SLC25A26: variants seen among roughly 807,000 people sequenced by gnomAD.
SLC25A26 encodes mitochondrial S-adenosylmethionine carrier protein.
In SLC25A26, 36 loss-of-function variants were observed where a neutral mutation model predicts 37.8. The ratio of observed to expected loss-of-function variants is 0.95; its 90% CI spans 0.73 to 1.26. The LOEUF is 1.26. Among genes scored for constraint, SLC25A26 ranks in the 50% most tolerant of loss-of-function variants. SLC25A26 has a pLI of 0.00. For missense variants in SLC25A26, 390 were observed against 331.1 expected, an observed-to-expected ratio of 1.18 and a Z score of -1.38; for synonymous variants, 129 against 122.5, an observed-to-expected ratio of 1.05 and a Z score of -0.35.
At chr3:66,165,754 A>G (rs1370735296) in intron 1 of SLC25A26, among the ~76,000 whole-genome samples, 1 of 152,230 alleles carries the variant, frequency 6.6e-6, no homozygotes, top group African/African-American at 2.4e-5. Flanking sequence ...GAAGTAGTAT[A>G]TAATTTGCCT....
chr3:66,151,561 G>A (rs1217967393), intron 1 of SLC25A26, among the ~76,000 whole-genome samples: 1 of 152,224 alleles, frequency 6.6e-6, no homozygotes, highest in Non-Finnish European at 1.5e-5. Context: ...TCATCATGAA[G>A]TTCCATGCCC....
chr3:66,310,456 G>T (rs2075345965), intron 5 of SLC25A26, among the ~76,000 whole-genome samples: 1 of 152,134 alleles, frequency 6.6e-6, no homozygotes, highest in African/African-American at 2.4e-5. Flanking sequence ...TATCCAATTT[G>T]CCAGTCTGTT....
chr3:66,199,412 A>G (rs947880122), intron 1 of SLC25A26, among the ~76,000 whole-genome samples: 2 of 151,900 alleles, frequency 1.3e-5, no homozygotes, highest in African/African-American at 2.4e-5. Flanking sequence ...CATGTTGACT[A>G]TGATCCTAAC....
intron 1 of SLC25A26, among the ~76,000 whole-genome samples, chr3:66,192,330 A>AG (rs1431044898): frequency 4.4e-4 from 66 of 151,224 alleles, no homozygotes; most frequent in African/African-American, 1.5e-3. Flanking sequence ...AAAAAAAAAA[A>AG]AAAAAGAGAG....
chr3:66,370,385 CTGA>C, intron 8 of SLC25A26, 141 bp from the exon 9 acceptor site: 1 of 740,488 alleles, frequency 1.4e-6, no homozygotes, highest in Non-Finnish European at 2.4e-6. Flanking sequence ...GAGCCAGGTC[CTGA>C]TTGCCAAGAA....
chr3:66,360,230 T>G (rs763322586), intron 6 of SLC25A26, among the ~76,000 whole-genome samples: 22 of 152,218 alleles, frequency 1.4e-4, no homozygotes, highest in Non-Finnish European at 2.9e-4. Flanking sequence ...TTCTTTTAGT[T>G]GCTGTGTATT....
At chr3:66,213,427 G>T (rs1236715798) in intron 1 of SLC25A26, among the ~76,000 whole-genome samples, 1 of 59,682 alleles carries the variant, frequency 1.7e-5, no homozygotes, top group African/African-American at 6.7e-5. Context: ...AAAAAAAAAA[G>T]CCTAGTAAAA....
At chr3:66,201,935 G>A (rs1044197015) in intron 1 of SLC25A26, among the ~76,000 whole-genome samples, 1 of 152,104 alleles carries the variant, frequency 6.6e-6, no homozygotes, top group African/African-American at 2.4e-5. Context: ...AAGAGTGAAA[G>A]CAGAAGTAAA....
chr3:66,150,148 T>C (rs951848197), intron 1 of SLC25A26, among the ~76,000 whole-genome samples: 54 of 152,078 alleles, frequency 3.6e-4, no homozygotes, highest in African/African-American at 1.3e-3. Context: ...CAAAGGTGAC[T>C]TTATTAAAAG....
At position 66,370,510 on chromosome 3, in the gene SLC25A26, T is replaced by C; in HGVS notation, c.634-19T>C. ...GGAGCTTCAGAAGATAACGGGTTTC[T>C]CTTTGTCTGTTCACACAGGCTGGCT... On this transcript the variant is annotated intron_variant, in intron 8 of 9. Coordinates refer to ENST00000354883, the MANE Select transcript of SLC25A26 (RefSeq NM_001379210.1). The C allele has an allele frequency of 6.2e-7, 1 of 1,610,858 alleles. No individual in the cohort carries two copies. Among genetic ancestry groups the C allele is most frequent in the South Asian group, 1.1e-5 (1 of 90,684 alleles).
At chr3:66,156,836 G>C (rs1435773248) in intron 1 of SLC25A26, among the ~76,000 whole-genome samples, 1 of 152,092 alleles carries the variant, frequency 6.6e-6, no homozygotes, top group Non-Finnish European at 1.5e-5. Flanking sequence ...TGGGTGAAGA[G>C]AGCTCACCTG....
At chr3:66,215,471 G>T (rs1231162195) in intron 1 of SLC25A26, among the ~76,000 whole-genome samples, 3 of 152,160 alleles carry the variant, frequency 2.0e-5, no homozygotes, top group Non-Finnish European at 4.4e-5. Context: ...ACAGTTCTGT[G>T]ATTCAGTACT....
intron 6 of SLC25A26, among the ~76,000 whole-genome samples, chr3:66,349,187 A>C (rs966648647): frequency 3.3e-5 from 5 of 152,256 alleles, no homozygotes; most frequent in African/African-American, 1.2e-4. Context: ...GCTAAGATTT[A>C]AAAATTCTCT....
At chr3:66,288,216 G>A (rs566901968) in intron 5 of SLC25A26, among the ~76,000 whole-genome samples, 3 of 152,318 alleles carry the variant, frequency 2.0e-5, no homozygotes, top group African/African-American at 7.2e-5. Flanking sequence ...GACAGTGAAG[G>A]AGTGAATCCC....
chr3:66,307,411 G>A (rs80207165), intron 5 of SLC25A26, among the ~76,000 whole-genome samples: 27,515 of 150,602 alleles, frequency 0.18, 3,578 homozygotes, highest in East Asian at 0.68. Context: ...TTAACCCTTT[G>A]TCAGATGGAT....
intron 6 of SLC25A26, among the ~76,000 whole-genome samples, chr3:66,361,682 A>T (rs540918918): frequency 3.3e-5 from 5 of 152,166 alleles, no homozygotes; most frequent in Non-Finnish European, 5.9e-5. Flanking sequence ...TAAAACCACA[A>T]TGAAGGCACG....
At chr3:66,137,865 G>A (rs143463788) in intron 1 of SLC25A26, among the ~76,000 whole-genome samples, 95 of 151,808 alleles carry the variant, frequency 6.3e-4, no homozygotes, top group African/African-American at 2.1e-3. Flanking sequence ...AGACAGTGTC[G>A]CTCTGTCACC....
At chr3:66,375,778 A>T (rs922276489) in intron 9 of SLC25A26, among the ~76,000 whole-genome samples, 2 of 152,120 alleles carry the variant, frequency 1.3e-5, no homozygotes, top group African/African-American at 4.8e-5. Context: ...TGTTGTTCTC[A>T]TGCCTACTAT....
chr3:66,309,241 G>C (rs977692188), intron 5 of SLC25A26, among the ~76,000 whole-genome samples: 5 of 152,188 alleles, frequency 3.3e-5, no homozygotes, highest in Non-Finnish European at 7.3e-5. Flanking sequence ...TTAGTCTTGG[G>C]AGGGTGTATG....
Sources: gnomAD v4.1 joint callset for allele counts (sites outside exome capture counted in the v4.1 genomes callset) on GRCh38, gnomAD v4.1.1 for gene constraint, MANE v1.5 for transcripts, NCBI Gene and HGNC (gene_info 2026-07-23, HGNC 2026-07-21) for gene names.